MIER2: variants seen among roughly 807,000 people sequenced by gnomAD.
The protein encoded by MIER2 is MIER family member 2.
In MIER2, 30 loss-of-function variants were observed where a neutral mutation model predicts 67.6. The observed-to-expected ratio is 0.44, with a 90% CI of 0.33 to 0.60. The LOEUF is 0.60. MIER2 is among the 20% of genes least tolerant of loss of function. MIER2 has a pLI of 0.02. For missense variants in MIER2, 702 were observed against 745.1 expected (o/e 0.94, Z 0.67); for synonymous variants, 372 against 312.6 (o/e 1.19, Z -2.00).
chr19:334,981 C>A (rs1387328283), intron 2 of MIER2, among the ~76,000 whole-genome samples: 1 of 152,194 alleles, frequency 6.6e-6, no homozygotes, highest in African/African-American at 2.4e-5. Flanking sequence ...CATCAAGGAG[C>A]ATGCAGGGAC....
chr19:307,065 T>TG (rs1427041358), intron 13 of MIER2, 54 bp downstream of exon 13: 4 of 1,517,658 alleles, frequency 2.6e-6, no homozygotes, highest in Admixed American at 2.0e-5. Context: ...GCCTGAGGGC[T>TG]GGGGGGACCT....
intron 1 of MIER2, chr19:340,583 G>A (rs1972459206): frequency 1.3e-5 from 2 of 153,082 alleles, no homozygotes; most frequent in African/African-American, 4.8e-5. Flanking sequence ...AGTAGGCTGA[G>A]GAGGAAGAGG....
At chr19:331,724 C>T (rs1252161023) in intron 3 of MIER2, among the ~76,000 whole-genome samples, 2 of 151,924 alleles carry the variant, frequency 1.3e-5, no homozygotes, top group African/African-American at 4.8e-5. Flanking sequence ...TGGCTCATGC[C>T]TGTAATCCAG....
intron 8 of MIER2, among the ~76,000 whole-genome samples, chr19:313,285 C>T (rs1046462691): frequency 6.6e-6 from 1 of 152,140 alleles, no homozygotes; most frequent in Admixed American, 6.5e-5. Flanking sequence ...TGCAGGATAC[C>T]CGGAGGCGTC....
chr19:342,004 C>G (rs963961595), intron 1 of MIER2, among the ~76,000 whole-genome samples: 2 of 152,122 alleles, frequency 1.3e-5, no homozygotes, highest in African/African-American at 2.4e-5. Context: ...CCCAAAATGA[C>G]AGGGTGGCAG....
chr19:308,425 T>TCACGTGGC lies in MIER2; in HGVS notation c.1198+144_1198+151dup. The TCACGTGGC allele has an allele frequency of 1.4e-6, 1 of 735,576 alleles. No individual in the cohort carries two copies. The highest frequency in any genetic ancestry group is 2.2e-6 in the Non-Finnish European group (1 of 454,788). 45.6% of individuals were successfully genotyped at this position (735,576 alleles called of 1,614,324 possible). A position where few individuals can be genotyped will look rare whatever the true frequency, so the allele number is the denominator to read the frequency against. ...CCAGGTGTACAGAGCGGCATCCACATCACGTGGCTGCCCTCCGCCACCCAG... is the reference window on the plus strand; with the variant it reads ...CCAGGTGTACAGAGCGGCATCCACATCACGTGGCCACGTGGCTGCCCTCCGCCACCCAG... On this transcript the variant is annotated intron_variant, in intron 12 of 13. Transcript: ENST00000264819. This position sits in a 1 kb window ranked among gnomAD's most constrained non-coding sequence, Gnocchi z 9.1.
At chr19:314,532 C>T (rs1971149888) in intron 7 of MIER2, among the ~76,000 whole-genome samples, 1 of 152,120 alleles carries the variant, frequency 6.6e-6, no homozygotes, top group African/African-American at 2.4e-5. Context: ...CTGGGGAAAA[C>T]AGCTCCACAC....
At chr19:342,536 G>A (rs1477868903) in intron 1 of MIER2, among the ~76,000 whole-genome samples, 2 of 150,982 alleles carry the variant, frequency 1.3e-5, no homozygotes, top group Non-Finnish European at 2.9e-5. Flanking sequence ...TTTATCCCAG[G>A]GACCATGAAA....
chr19:337,176 A>G (rs1972296532), intron 1 of MIER2, among the ~76,000 whole-genome samples: 1 of 152,112 alleles, frequency 6.6e-6, no homozygotes, highest in Non-Finnish European at 1.5e-5. Context: ...CAAAACCCTC[A>G]ACAAAATACT....
chr19:326,323 G>A (rs972897939), intron 6 of MIER2, among the ~76,000 whole-genome samples, 184 bp downstream of exon 6: 4 of 151,288 alleles, frequency 2.6e-5, no homozygotes, highest in South Asian at 2.1e-4. Flanking sequence ...GCAGAGCCAC[G>A]GCCGGGATGC....
chr19:328,202 G>T (rs1467893049), intron 3 of MIER2, among the ~76,000 whole-genome samples: 1 of 152,088 alleles, frequency 6.6e-6, no homozygotes, highest in Non-Finnish European at 1.5e-5. Context: ...CAGAGCCTAG[G>T]GGTCACCGGC....
At chr19:337,870 CAAAA>C (rs34553732) in intron 1 of MIER2, among the ~76,000 whole-genome samples, 3 of 37,130 alleles carry the variant, frequency 8.1e-5, no homozygotes, top group African/African-American at 1.7e-4. Flanking sequence ...CTCCATCTCA[CAAAA>C]AAAAAAAAAA....
chr19:314,681 C>A (rs931991144), intron 7 of MIER2, among the ~76,000 whole-genome samples: 1 of 152,000 alleles, frequency 6.6e-6, no homozygotes, highest in African/African-American at 2.4e-5. Context: ...TCCATCTCCA[C>A]AGGCGACACC....
chr19:334,643 T>G, intron 2 of MIER2, 101 bp from the exon 3 acceptor site: 1 of 1,466,656 alleles, frequency 6.8e-7, no homozygotes, highest in Non-Finnish European at 9.1e-7. Flanking sequence ...GATGAGGCCC[T>G]CTGCATGCTG....
At chr19:319,333 G>C (rs1293389589) in intron 7 of MIER2, among the ~76,000 whole-genome samples, 1 of 152,164 alleles carries the variant, frequency 6.6e-6, no homozygotes, top group Non-Finnish European at 1.5e-5. Context: ...CTGAACTCCA[G>C]CCTGGGCAAT....
intron 6 of MIER2, among the ~76,000 whole-genome samples, chr19:326,179 G>A (rs116371303): frequency 0.04 from 6,133 of 151,846 alleles, 432 homozygotes; most frequent in African/African-American, 0.14. Flanking sequence ...GCAGAACCAC[G>A]GCTGGGATGC....
chr19:343,644 C>T (rs1972603235), intron 1 of MIER2, among the ~76,000 whole-genome samples: 1 of 152,218 alleles, frequency 6.6e-6, no homozygotes, highest in Non-Finnish European at 1.5e-5. Flanking sequence ...TCCCGGCTTC[C>T]CACGAGGCGG....
chr19:340,042 T>A (rs1012901211), intron 1 of MIER2, among the ~76,000 whole-genome samples: 1 of 152,206 alleles, frequency 6.6e-6, no homozygotes, highest in Non-Finnish European at 1.5e-5. Flanking sequence ...TAAAAACTTG[T>A]GTAGTAAGAA....
chr19:327,761 G>C, intron 4 of MIER2, 103 bp downstream of exon 4: 3 of 1,513,008 alleles, frequency 2.0e-6, no homozygotes, highest in Non-Finnish European at 1.8e-6. Context: ...TATTCTGGGG[G>C]CCTTTGTGCC....
Sources: allele counts gnomAD v4.1 joint callset (sites outside exome capture counted in the v4.1 genomes callset), GRCh38; gene constraint gnomAD v4.1.1; non-coding constraint Gnocchi (gnomAD v3.1); transcripts MANE v1.5; gene names NCBI Gene and HGNC (gene_info 2026-07-23, HGNC 2026-07-21).